The following MON2 variants were observed in gnomAD, a reference collection of about 807,000 sequenced individuals.
MON2 encodes protein MON2 homolog.
In MON2, 84 loss-of-function variants were observed where a neutral mutation model predicts 208.6. The observed-to-expected ratio is 0.40, with a 90% CI of 0.34 to 0.48. The LOEUF is 0.48. MON2 is among the 20% of genes least tolerant of loss of function. MON2 has a pLI of 0.59. For missense variants in MON2, 1,611 were observed against 2,015.4 expected (o/e 0.80, Z 3.84); for synonymous variants, 660 against 694.0 (o/e 0.95, Z 0.77).
intron 8 of MON2, among the ~76,000 whole-genome samples, chr12:62,514,514 T>C (rs2071586554): frequency 6.6e-6 from 1 of 152,140 alleles, no homozygotes. Context: ...GAAGAGAGCT[T>C]TTGCAGAGAA....
chr12:62,592,459 C>T, intron 34 of MON2, 127 bp from the exon 35 acceptor site: 1 of 689,636 alleles, frequency 1.5e-6, no homozygotes, highest in Non-Finnish European at 2.2e-6. Context: ...TAAAAAGATA[C>T]AAGCTTGTAG....
At chr12:62,501,440 C>G (rs760088055) in intron 6 of MON2, 133 bp from the exon 7 acceptor site, 36 of 927,916 alleles carry the variant, frequency 3.9e-5, no homozygotes, top group Admixed American at 8.0e-5. Flanking sequence ...TTGGAATTAC[C>G]AGTGCTTAGT....
At chr12:62,481,851 T>C (rs1239115250) in intron 1 of MON2, among the ~76,000 whole-genome samples, 1 of 152,148 alleles carries the variant, frequency 6.6e-6, no homozygotes, top group Non-Finnish European at 1.5e-5. Context: ...GATAGGATAT[T>C]GAGTGGTTTA....
intron 8 of MON2, among the ~76,000 whole-genome samples, chr12:62,522,861 T>C (rs754172267): frequency 2.0e-5 from 3 of 152,248 alleles, no homozygotes; most frequent in Non-Finnish European, 2.9e-5. Context: ...CTCTCTTTTT[T>C]ACCCAAATCA....
intron 13 of MON2, 134 bp from the exon 14 acceptor site, chr12:62,535,391 G>C: frequency 1.4e-6 from 1 of 694,630 alleles, no homozygotes; most frequent in Admixed American, 3.4e-5. Flanking sequence ...TCCTTCTTAA[G>C]TATATTGGTA....
chr12:62,470,680 C>A, intron 1 of MON2: 1 of 1,086,020 alleles, frequency 9.2e-7, no homozygotes, highest in Non-Finnish European at 1.1e-6. Flanking sequence ...TAAAAACTTT[C>A]TTATTATTTC....
Position 62,594,653 on chromosome 12 carries a change from GA to G in MON2, c.*1907del, listed in dbSNP as rs1274603733. On this transcript the variant is annotated 3_prime_UTR_variant, in exon 35 of 35. Coordinates refer to ENST00000393630, the MANE Select transcript of MON2 (RefSeq NM_015026.3). ...TCAAAGGAAAATGGTCTGTTCTTGA[GA>G]AATAAAAGATCAGTTGCAATTAGGA... 6.6e-6 allele frequency: 1 copy of G among 152,180 alleles called. No homozygotes were observed. The highest frequency in any genetic ancestry group is 6.5e-5 in the Admixed American group (1 of 15,276). The allele number at this position is 152,180 out of a possible 1,614,324, so 9.4% of individuals were successfully genotyped here. A position where few individuals can be genotyped will look rare whatever the true frequency, so the allele number is the denominator to read the frequency against.
In MON2 at chr12:62,594,416, AT is replaced by A. The variant is rs1447363072; in HGVS notation, c.*1669del. The A allele has an allele frequency of 6.6e-6, 1 of 152,204 alleles. No homozygotes were observed. Among genetic ancestry groups the A allele is most frequent in the Non-Finnish European group, 1.5e-5 (1 of 67,998 alleles). The allele number at this position is 152,204 out of a possible 1,614,324, so 9.4% of individuals were successfully genotyped here. A position where few individuals can be genotyped will look rare whatever the true frequency, so the allele number is the denominator to read the frequency against. ...TTTCTATTTTATTATTTCACCTAAA[AT>A]TAAGGTAAAATATGGCATTTCATAA... On this transcript the variant is annotated 3_prime_UTR_variant, in exon 35 of 35. Coordinates refer to ENST00000393630, the MANE Select transcript of MON2 (RefSeq NM_015026.3).
chr12:62,578,265 A>C (rs1489766251), intron 30 of MON2, among the ~76,000 whole-genome samples, 180 bp from the exon 31 acceptor site: 1 of 152,146 alleles, frequency 6.6e-6, no homozygotes, highest in Non-Finnish European at 1.5e-5. Context: ...CATGTTTGTA[A>C]TTAGCTTAGT....
At chr12:62,477,173 A>G (rs1400186010) in intron 1 of MON2, among the ~76,000 whole-genome samples, 1 of 152,086 alleles carries the variant, frequency 6.6e-6, no homozygotes, top group East Asian at 1.9e-4. Context: ...ACTACTGTTG[A>G]TAGAGTGATG....
chr12:62,520,061 C>T (rs187993961), intron 8 of MON2, among the ~76,000 whole-genome samples: 1 of 152,304 alleles, frequency 6.6e-6, no homozygotes, highest in Non-Finnish European at 1.5e-5. Context: ...GTGATCTGCC[C>T]GCCTCTGCCT....
intron 1 of MON2, among the ~76,000 whole-genome samples, chr12:62,468,011 A>G (rs1424733312): frequency 1.3e-5 from 2 of 151,906 alleles, no homozygotes; most frequent in Non-Finnish European, 2.9e-5. Context: ...TATGTATGGG[A>G]AAGATGTCAG....
chr12:62,526,652 T>C (rs928773931), intron 11 of MON2, among the ~76,000 whole-genome samples: 1 of 152,170 alleles, frequency 6.6e-6, no homozygotes, highest in Admixed American at 6.5e-5. Flanking sequence ...TTAAATTGTT[T>C]GTCATTAGCC....
intron 32 of MON2, among the ~76,000 whole-genome samples, chr12:62,584,926 T>G (rs1237193539): frequency 6.6e-6 from 1 of 151,796 alleles, no homozygotes; most frequent in African/African-American, 2.4e-5. Flanking sequence ...TTTGACCACA[T>G]GAAAAACTAT....
intron 19 of MON2, among the ~76,000 whole-genome samples, chr12:62,541,015 T>C (rs2073206598): frequency 6.6e-6 from 1 of 152,244 alleles, no homozygotes; most frequent in African/African-American, 2.4e-5. Context: ...GGTGTGGCTT[T>C]ACAGTGATCA....
intron 12 of MON2, among the ~76,000 whole-genome samples, chr12:62,534,531 AAAAAAAAAAAAATATAT>A (rs1435479194): frequency 1.5e-4 from 6 of 39,412 alleles, no homozygotes; most frequent in African/African-American, 9.5e-4. Context: ...AAAAAAAAAA[AAAAAAAAAAAAATATAT>A]ATATATATAT....
chr12:62,562,614 G>A (rs2074240387), intron 26 of MON2, among the ~76,000 whole-genome samples: 3 of 151,974 alleles, frequency 2.0e-5, no homozygotes, highest in Admixed American at 2.0e-4. Flanking sequence ...TTTATTATCA[G>A]AGTGTTTTTA....
intron 1 of MON2, among the ~76,000 whole-genome samples, chr12:62,471,920 G>A (rs1212912195): frequency 2.0e-5 from 3 of 152,172 alleles, no homozygotes; most frequent in Non-Finnish European, 2.9e-5. Flanking sequence ...AGAAGGGAGC[G>A]ACAAGTTGTG....
At chr12:62,476,132 T>C (rs2069063248) in intron 1 of MON2, among the ~76,000 whole-genome samples, 1 of 152,236 alleles carries the variant, frequency 6.6e-6, no homozygotes, top group Non-Finnish European at 1.5e-5. Flanking sequence ...AATTTTGTTT[T>C]CTAGAAGCCA....
Sources: allele counts gnomAD v4.1 joint callset (sites outside exome capture counted in the v4.1 genomes callset), GRCh38; gene constraint gnomAD v4.1.1; transcripts MANE v1.5; gene names NCBI Gene and HGNC (gene_info 2026-07-23, HGNC 2026-07-21).